Variants in HSF2BP observed in about 807,000 individuals in gnomAD.
HSF2BP encodes heat shock factor 2-binding protein.
A neutral mutation model predicts 35.0 loss-of-function variants in HSF2BP; 35 were observed. The ratio of observed to expected loss-of-function variants is 1.00; its 90% CI spans 0.76 to 1.32. The LOEUF is 1.32. Ranked by LOEUF, HSF2BP falls within the 40% of genes most tolerant of loss-of-function variation. The pLI is 0.00. For synonymous variants in HSF2BP, 114 were observed against 117.4 expected, an observed-to-expected ratio of 0.97 and a Z score of 0.18; for missense variants, 326 against 321.7, an observed-to-expected ratio of 1.01 and a Z score of -0.10.
At position 43,659,189 on chromosome 21, in the gene HSF2BP, T is replaced by C. The variant is rs893411645; in HGVS notation, c.-225+197A>G. 2.6e-5 allele frequency among the ~76,000 whole-genome samples: 4 copies of C among 151,872 alleles called. No homozygotes were observed. Among genetic ancestry groups the C allele is most frequent in the African/African-American group, 9.7e-5 (4 of 41,338 alleles). ...GCGCGCGCCTGTAGTCTCAGCTACT[T>C]GGGCGGTCGAGATGGGAGGATCGAT... On this transcript the variant is annotated intron_variant, in intron 1 of 8. Transcript: ENST00000291560. The surrounding 1 kb of genome is among the most constrained non-coding windows in gnomAD (Gnocchi z 4.2).
chr21:43,615,476 T>C (rs570822580), intron 6 of HSF2BP, among the ~76,000 whole-genome samples: 1 of 152,340 alleles, frequency 6.6e-6, no homozygotes, highest in South Asian at 2.1e-4. Context: ...ACTCAGATCT[T>C]TGACATTACT....
chr21:43,621,182 C>A (rs1374865926), intron 6 of HSF2BP, among the ~76,000 whole-genome samples: 1 of 152,136 alleles, frequency 6.6e-6, no homozygotes, highest in Non-Finnish European at 1.5e-5. Flanking sequence ...AGAAAAGAAA[C>A]AAGTAACAAA....
the HSF2BP span, among the ~76,000 whole-genome samples, chr21:43,499,912 C>T: frequency 9.6e-6 from 1 of 104,518 alleles, no homozygotes; most frequent in East Asian, 2.3e-4. Flanking sequence ...ATGTATACCA[C>T]ACGTGATCAC....
intron 7 of HSF2BP, among the ~76,000 whole-genome samples, chr21:43,609,529 G>A (rs545741460): frequency 2.6e-5 from 4 of 152,062 alleles, no homozygotes; most frequent in Non-Finnish European, 5.9e-5. Context: ...AGTGACCTTC[G>A]ATCATGAAAG....
Position 43,574,241 on chromosome 21 carries a change from C to T in HSF2BP, c.796+17984G>A, listed in dbSNP as rs115636523. On this transcript the variant is annotated intron_variant, in intron 8 of 8. Transcript: ENST00000291560. ...CTTAAATTTGAAACAATAAAAAAAT[C>T]AGTCAGTTGCCATGCACTGGCTGAC... Among the ~76,000 whole-genome samples the T allele has an allele frequency of 4.2e-3, 640 of 152,344 alleles. 2 individuals are homozygous for T. The highest frequency in any genetic ancestry group is 0.015 in the African/African-American group (608 of 41,578).
intron 4 of HSF2BP, among the ~76,000 whole-genome samples, chr21:43,640,682 A>T (rs2082624068): frequency 6.6e-6 from 1 of 152,234 alleles, no homozygotes; most frequent in Non-Finnish European, 1.5e-5. Flanking sequence ...ACCACTAGGG[A>T]AAACCGGGTG....
intron 7 of HSF2BP, among the ~76,000 whole-genome samples, chr21:43,604,514 TACACACCCCACAC>T (rs1221234985): frequency 1.6e-5 from 1 of 60,938 alleles, no homozygotes; most frequent in African/African-American, 6.8e-5. Context: ...ACACACACTA[TACACACCCCACAC>T]ACACACCACA....
the HSF2BP span, among the ~76,000 whole-genome samples, chr21:43,495,335 CA>C: frequency 1.8e-5 from 1 of 54,988 alleles, no homozygotes; most frequent in Non-Finnish European, 3.7e-5. Flanking sequence ...CAGGCAGGCG[CA>C]GAGACCCATG....
intron 3 of HSF2BP, among the ~76,000 whole-genome samples, chr21:43,650,176 T>C (rs1341884797): frequency 6.6e-6 from 1 of 152,194 alleles, no homozygotes; most frequent in African/African-American, 2.4e-5. Flanking sequence ...ACAGTTTTCA[T>C]CTATTTTACA....
intron 8 of HSF2BP, among the ~76,000 whole-genome samples, chr21:43,586,340 T>A (rs1041181157): frequency 2.2e-4 from 34 of 152,300 alleles, no homozygotes; most frequent in African/African-American, 7.9e-4. Context: ...CAGGGATGAT[T>A]AATAGCAACT....
At chr21:43,466,536 C>G in the HSF2BP span, among the ~76,000 whole-genome samples, 2 of 20,844 alleles carry the variant, frequency 9.6e-5, 1 homozygote, top group Non-Finnish European at 1.5e-4. Context: ...ACGAGGCACC[C>G]CCCCCCCTCC....
chr21:43,641,495 G>A (rs1249763566), intron 4 of HSF2BP, among the ~76,000 whole-genome samples: 1 of 152,158 alleles, frequency 6.6e-6, no homozygotes, highest in Non-Finnish European at 1.5e-5. Context: ...CAGGAACAAA[G>A]TCTTCCTTGT....
chr21:43,657,662 TAC>T (rs1393298843), intron 2 of HSF2BP, among the ~76,000 whole-genome samples: 3 of 152,216 alleles, frequency 2.0e-5, no homozygotes, highest in East Asian at 1.9e-4. Flanking sequence ...TGCAATCAGT[TAC>T]AGTTATAAAA....
At chr21:43,582,480 G>T (rs2081767519) in intron 8 of HSF2BP, among the ~76,000 whole-genome samples, 1 of 138,232 alleles carries the variant, frequency 7.2e-6, no homozygotes, top group Non-Finnish European at 1.6e-5. Flanking sequence ...GGAGATGAAG[G>T]GCCTGCTGAG....
At chr21:43,579,401 A>T (rs1442104585) in intron 8 of HSF2BP, among the ~76,000 whole-genome samples, 2 of 152,244 alleles carry the variant, frequency 1.3e-5, no homozygotes, top group African/African-American at 4.8e-5. Flanking sequence ...TTAGTAGCCT[A>T]CTTTGATGCC....
chr21:43,603,964 G>A (rs1223187032), intron 7 of HSF2BP, among the ~76,000 whole-genome samples: 1 of 152,112 alleles, frequency 6.6e-6, no homozygotes, highest in Non-Finnish European at 1.5e-5. Flanking sequence ...GGCCCACAGG[G>A]ATTTCTGGGG....
intron 8 of HSF2BP, among the ~76,000 whole-genome samples, chr21:43,575,373 AC>A (rs771751780): frequency 1.1e-4 from 16 of 152,168 alleles, no homozygotes; most frequent in Non-Finnish European, 2.2e-4. Context: ...AGAGAATTAC[AC>A]CCGCCACCTA....
intron 3 of HSF2BP, 21 bp from the exon 4 acceptor site, chr21:43,644,413 T>C (rs763615619): frequency 6.3e-7 from 1 of 1,585,834 alleles, no homozygotes; most frequent in Non-Finnish European, 8.7e-7. Context: ...GACATAAAAT[T>C]ACTCAAGATA....
intron 7 of HSF2BP, among the ~76,000 whole-genome samples, chr21:43,604,682 A>G (rs1248442082): frequency 1.9e-5 from 2 of 107,050 alleles, no homozygotes; most frequent in Non-Finnish European, 3.8e-5. Context: ...ACCACACACC[A>G]CACACACACT....
Sources: allele counts gnomAD v4.1 joint callset (sites outside exome capture counted in the v4.1 genomes callset), GRCh38; gene constraint gnomAD v4.1.1; non-coding constraint Gnocchi (gnomAD v3.1); transcripts MANE v1.5; gene names NCBI Gene and HGNC (gene_info 2026-07-23, HGNC 2026-07-21).